The following APPBP2 variants were observed in gnomAD, a reference collection of about 807,000 sequenced individuals.
The protein encoded by APPBP2 is amyloid beta precursor protein binding protein 2.
Under a neutral mutation model 76.0 loss-of-function variants are expected in APPBP2, and 15 were observed. That is an observed-to-expected ratio of 0.20 (90% CI 0.13 to 0.30). The LOEUF is 0.30. Ranked by LOEUF, APPBP2 falls within the 10% of genes least tolerant of loss-of-function variation. The probability of loss-of-function intolerance (pLI) is 1.00; values close to 1 mark genes in which losing one functional copy is unlikely to be tolerated. For synonymous variants in APPBP2, 222 were observed against 242.2 expected (o/e 0.92, Z 0.77); for missense variants, 401 against 687.2 (o/e 0.58, Z 4.66).
At chr17:60,486,479 G>A (rs1034424172) in intron 3 of APPBP2, among the ~76,000 whole-genome samples, 1 of 130,430 alleles carries the variant, frequency 7.7e-6, no homozygotes, top group Non-Finnish European at 1.5e-5. Context: ...ATCTTTGTTG[G>A]TTTAAAGTCT....
chr17:60,501,504 C>A (rs2090823283), intron 1 of APPBP2, among the ~76,000 whole-genome samples: 1 of 152,060 alleles, frequency 6.6e-6, no homozygotes, highest in Non-Finnish European at 1.5e-5. Flanking sequence ...TCAAGCAATC[C>A]TCCCACCTCA....
chr17:60,497,886 C>T (rs930051883), intron 2 of APPBP2, among the ~76,000 whole-genome samples: 7 of 151,842 alleles, frequency 4.6e-5, no homozygotes, highest in Admixed American at 2.0e-4. Flanking sequence ...CACCTGTAAC[C>T]CCAGCACTTT....
At chr17:60,509,480 T>C (rs909638129) in intron 1 of APPBP2, among the ~76,000 whole-genome samples, 5 of 151,974 alleles carry the variant, frequency 3.3e-5, no homozygotes, top group Non-Finnish European at 5.9e-5. Flanking sequence ...GGTGTTATAA[T>C]AGTGTGGTAG....
At chr17:60,496,221 C>T (rs548835682) in intron 2 of APPBP2, among the ~76,000 whole-genome samples, 19 of 152,212 alleles carry the variant, frequency 1.2e-4, no homozygotes, top group Middle Eastern at 3.4e-3. Context: ...TAGAATTAGA[C>T]AGTGGTGATG....
chr17:60,517,246 G>C (rs140767656), intron 1 of APPBP2, among the ~76,000 whole-genome samples: 1 of 152,214 alleles, frequency 6.6e-6, no homozygotes, highest in African/African-American at 2.4e-5. Flanking sequence ...AAAGTGCTGG[G>C]ATTACAGGCG....
chr17:60,496,726 TTTTA>T (rs905972771), intron 2 of APPBP2, among the ~76,000 whole-genome samples: 1 of 146,460 alleles, frequency 6.8e-6, no homozygotes, highest in Admixed American at 6.8e-5. Flanking sequence ...TACTTACTTA[TTTTA>T]TTTTTTTTGA....
In APPBP2 at chr17:60,460,623, C is replaced by A. The variant is rs201829593; in HGVS notation, c.1061+40G>T. On this transcript the variant is annotated intron_variant, in intron 9 of 12. Transcript: ENST00000083182. Reference sequence around the variant, plus strand: ...GGGAAAAAACAAAATAAAACAAAAACAGTATTTCCTCCTTCAGAGAAAAGG... The same window carrying A: ...GGGAAAAAACAAAATAAAACAAAAAAAGTATTTCCTCCTTCAGAGAAAAGG... The A allele has an allele frequency of 3.1e-5, 49 of 1,579,082 alleles. No individual in the cohort carries two copies. In the African/African-American group the frequency reaches 5.6e-4, roughly 18 times the overall value.
At chr17:60,492,019 C>T (rs1292559008) in intron 3 of APPBP2, among the ~76,000 whole-genome samples, 1 of 152,180 alleles carries the variant, frequency 6.6e-6, no homozygotes. Context: ...GGCCCCCCTG[C>T]TGTGTGCAGA....
intron 1 of APPBP2, among the ~76,000 whole-genome samples, chr17:60,506,870 T>C (rs1013988428): frequency 6.6e-6 from 1 of 152,194 alleles, no homozygotes; most frequent in Non-Finnish European, 1.5e-5. Context: ...ACCCCGTTTC[T>C]ACTAAAAATA....
rs145928456 is a variant in APPBP2, at chr17:60,525,642, T to C, written c.138+152A>G. ...AGGGCATAGGGAGATGGGGTGCTTCTCCACTGGCAATGCAGACACCGCACC... is the reference window on the plus strand; with the variant it reads ...AGGGCATAGGGAGATGGGGTGCTTCCCCACTGGCAATGCAGACACCGCACC... On this transcript the variant is annotated intron_variant, in intron 1 of 12. Coordinates refer to ENST00000083182, the MANE Select transcript of APPBP2 (RefSeq NM_006380.5). 2,056 of 1,208,292 alleles carry C rather than the reference T, an allele frequency of 1.7e-3. 23 individuals carry two copies. The African/African-American group carries it at 0.027, about 16-fold the overall frequency. The allele number at this position is 1,208,292 out of a possible 1,614,324, so 74.8% of individuals were successfully genotyped here. A position where few individuals can be genotyped will look rare whatever the true frequency, so the allele number is the denominator to read the frequency against.
intron 2 of APPBP2, 49 bp downstream of exon 2, chr17:60,500,350 G>A (rs1170904614): frequency 7.6e-7 from 1 of 1,311,684 alleles, no homozygotes; most frequent in Admixed American, 2.0e-5. Flanking sequence ...GGTTAAAATG[G>A]TAAATTTTAT....
chr17:60,524,907 G>C (rs1299014364), intron 1 of APPBP2, among the ~76,000 whole-genome samples: 3 of 152,232 alleles, frequency 2.0e-5, no homozygotes, highest in Non-Finnish European at 4.4e-5. Flanking sequence ...ACATTCAAAT[G>C]TGGGGGAGAG....
chr17:60,453,887 T>C (rs1309599156), intron 11 of APPBP2, among the ~76,000 whole-genome samples: 2 of 152,054 alleles, frequency 1.3e-5, no homozygotes, highest in Non-Finnish European at 2.9e-5. Context: ...GTTTGTTTGT[T>C]TTAGAGATAG....
At chr17:60,516,775 A>AT (rs1243031739) in intron 1 of APPBP2, among the ~76,000 whole-genome samples, 1 of 152,202 alleles carries the variant, frequency 6.6e-6, no homozygotes, top group Non-Finnish European at 1.5e-5. Context: ...CCAAAATGGC[A>AT]TATCAACTTA....
rs2090611590 is a variant in APPBP2, at chr17:60,479,152, C to T, written c.499G>A (p.Val167Met). ...ACAGGATATGTTCCAACTTACCTCA[C>T]ACAACATTCTACTGCACGAAACCAA... is the stretch of plus-strand genomic sequence containing the variant. Reference protein sequence around the residue: ...LHWFRAVECCVRLLHVRNGNC... With the variant: ...LHWFRAVECCMRLLHVRNGNC... Residue 167 changes from valine to methionine, a missense_variant, in exon 4 of 13, where the codon GTG (valine) becomes ATG (methionine). Coordinates refer to ENST00000083182, the MANE Select transcript of APPBP2 (RefSeq NM_006380.5). 6.2e-7 allele frequency: 1 copy of T among 1,610,370 alleles called. No individual in the cohort carries two copies. The highest frequency in any genetic ancestry group is 1.7e-5 in the Admixed American group (1 of 58,946).
intron 1 of APPBP2, among the ~76,000 whole-genome samples, chr17:60,523,995 A>T (rs1408584337): frequency 6.6e-6 from 1 of 152,238 alleles, no homozygotes; most frequent in African/African-American, 2.4e-5. Context: ...AGTTACAGGC[A>T]CATGTTTAAC....
chr17:60,477,743 A>T (rs1353504130), intron 4 of APPBP2, among the ~76,000 whole-genome samples: 2 of 151,698 alleles, frequency 1.3e-5, no homozygotes, highest in Middle Eastern at 6.8e-3. Flanking sequence ...TCTGACATAG[A>T]TAAGCCTTGT....
intron 9 of APPBP2, chr17:60,460,407 G>C (rs1001254905): frequency 5.0e-5 from 11 of 218,626 alleles, no homozygotes; most frequent in African/African-American, 2.5e-4. Context: ...AAACTCTTGG[G>C]CTCAAGCAAT....
At chr17:60,466,022 GTC>G (rs1487950770) in intron 5 of APPBP2, among the ~76,000 whole-genome samples, 1 of 152,028 alleles carries the variant, frequency 6.6e-6, no homozygotes, top group African/African-American at 2.4e-5. Context: ...TAGAGGCAGG[GTC>G]TCTCTCACTT....
Sources: gnomAD v4.1 joint callset for allele counts (sites outside exome capture counted in the v4.1 genomes callset) on GRCh38, gnomAD v4.1.1 for gene constraint, MANE v1.5 for transcripts, NCBI Gene and HGNC (gene_info 2026-07-23, HGNC 2026-07-21) for gene names.